The following ZNF385D variants were observed in gnomAD, a reference collection of about 807,000 sequenced individuals.
ZNF385D encodes zinc finger protein 659.
ZNF385D carries 15 observed loss-of-function variants against 35.8 expected under a neutral mutation model. That is an observed-to-expected ratio of 0.42 (90% CI 0.28 to 0.64). ZNF385D has a LOEUF of 0.64. Among genes scored for constraint, ZNF385D ranks in the 30% least tolerant of loss-of-function variants. ZNF385D has a pLI of 0.23. For missense variants in ZNF385D, 474 were observed against 494.6 expected (o/e 0.96, Z 0.39); for synonymous variants, 212 against 186.8 (o/e 1.13, Z -1.10).
intron 2 of ZNF385D, among the ~76,000 whole-genome samples, chr3:22,323,185 G>C (rs1005656483): frequency 7.2e-5 from 11 of 152,082 alleles, no homozygotes; most frequent in African/African-American, 2.7e-4. Context: ...AAAGATTTTT[G>C]AGTTAATATC....
chr3:21,864,120 G>C (rs112941816), intron 3 of ZNF385D, among the ~76,000 whole-genome samples: 1 of 152,170 alleles, frequency 6.6e-6, no homozygotes, highest in African/African-American at 2.4e-5. Flanking sequence ...TTGTTTTTGT[G>C]TGTACATGCA....
chr3:22,243,501 T>G (rs1217987938), intron 2 of ZNF385D, among the ~76,000 whole-genome samples: 1 of 151,000 alleles, frequency 6.6e-6, no homozygotes, highest in Non-Finnish European at 1.5e-5. Flanking sequence ...TACTAAAGAT[T>G]TCTGAGCAAG....
intron 3 of ZNF385D, among the ~76,000 whole-genome samples, chr3:22,103,486 T>C (rs1191886251): frequency 2.0e-5 from 3 of 152,142 alleles, no homozygotes; most frequent in Non-Finnish European, 4.4e-5. Flanking sequence ...TAAACTTGTG[T>C]TCTCAAGCTA....
intron 3 of ZNF385D, among the ~76,000 whole-genome samples, chr3:21,860,383 G>A (rs1475032418): frequency 2.0e-5 from 3 of 152,068 alleles, no homozygotes; most frequent in Admixed American, 2.0e-4. Flanking sequence ...GCAGTAGTTT[G>A]ACAACCCCCA....
chr3:21,883,092 GAAAAC>G (rs1698361534), intron 3 of ZNF385D, among the ~76,000 whole-genome samples: 1 of 151,850 alleles, frequency 6.6e-6, no homozygotes, highest in Non-Finnish European at 1.5e-5. Flanking sequence ...AGTGTACTAA[GAAAAC>G]AACACATATC....
chr3:22,288,192 T>C (rs1434038587), intron 2 of ZNF385D, among the ~76,000 whole-genome samples: 1 of 152,246 alleles, frequency 6.6e-6, no homozygotes, highest in East Asian at 1.9e-4. Context: ...ATTTTCTAAT[T>C]TTGATAATTT....
intron 2 of ZNF385D, among the ~76,000 whole-genome samples, chr3:22,306,337 A>G (rs1175785421): frequency 6.6e-6 from 1 of 151,834 alleles, no homozygotes; most frequent in East Asian, 1.9e-4. Flanking sequence ...GTGGTTAAAA[A>G]AAGTCTTTTT....
upstream of ZNF385D, chr3:21,751,288 TGCCTGCCTGGACCAACCATGGCTCTCGG>T: frequency 9.3e-7 from 1 of 1,076,410 alleles, no homozygotes; most frequent in Non-Finnish European, 1.1e-6. Flanking sequence ...GTGCTCCGAC[TGCCTGCCTGGACCAACCATGGCTCTCGG>T]GAAGCTTTGA....
chr3:21,834,206 T>C (rs563646450), intron 3 of ZNF385D, among the ~76,000 whole-genome samples: 66 of 152,114 alleles, frequency 4.3e-4, no homozygotes, highest in Non-Finnish European at 9.0e-4. Flanking sequence ...TCTCCTTCTT[T>C]TCTGAAGTAT....
intron 2 of ZNF385D, among the ~76,000 whole-genome samples, chr3:21,582,305 A>G (rs186329564): frequency 1.3e-5 from 2 of 152,366 alleles, no homozygotes; most frequent in East Asian, 1.9e-4. Context: ...TACACATTAA[A>G]TAAAACAAAA....
At chr3:22,003,724 AG>A (rs1696005398) in intron 3 of ZNF385D, among the ~76,000 whole-genome samples, 2 of 151,886 alleles carry the variant, frequency 1.3e-5, no homozygotes, top group Non-Finnish European at 1.5e-5. Flanking sequence ...AAAATTAGCC[AG>A]GTATGGTGGC....
intron 3 of ZNF385D, among the ~76,000 whole-genome samples, chr3:22,136,979 T>C (rs980796473): frequency 6.6e-6 from 1 of 152,168 alleles, no homozygotes; most frequent in South Asian, 2.1e-4. Flanking sequence ...AGTAAAACTA[T>C]TCTATATGAT....
intron 2 of ZNF385D, among the ~76,000 whole-genome samples, chr3:22,268,930 C>T (rs1234077096): frequency 2.0e-5 from 3 of 151,842 alleles, no homozygotes; most frequent in Non-Finnish European, 4.4e-5. Context: ...TCAGCTAATG[C>T]AGGTAATTCA....
At position 22,083,971 on chromosome 3, in the gene ZNF385D, C is replaced by T. The variant is rs560850744; in HGVS notation, c.325+84846G>A. 1.3e-3 allele frequency among the ~76,000 whole-genome samples: 197 copies of T among 152,252 alleles called. 1 individual carries two copies. Among genetic ancestry groups the T allele is most frequent in the Non-Finnish European group, 2.3e-3 (157 of 68,010 alleles). On this transcript the variant is annotated intron_variant, in intron 3 of 5. Coordinates refer to the ZNF385D transcript ENST00000494108. ...GAATTTTCAACCCATAATTTCATAT[C>T]CAGCCAAACTAAGCTTCATACGTGA...
intron 2 of ZNF385D, among the ~76,000 whole-genome samples, chr3:22,177,312 A>G (rs564242970): frequency 1.3e-4 from 20 of 152,316 alleles, no homozygotes; most frequent in Admixed American, 1.2e-3. Context: ...AGCTTACATA[A>G]AACTTAAGAA....
chr3:22,024,307 C>G (rs1287671373), intron 3 of ZNF385D, among the ~76,000 whole-genome samples: 1 of 151,906 alleles, frequency 6.6e-6, no homozygotes, highest in Non-Finnish European at 1.5e-5. Flanking sequence ...ATAAACTCCC[C>G]TATATATGTG....
intron 2 of ZNF385D, among the ~76,000 whole-genome samples, chr3:22,175,795 T>G (rs1455426774): frequency 6.6e-6 from 1 of 151,130 alleles, no homozygotes; most frequent in Non-Finnish European, 1.5e-5. Flanking sequence ...TTATGCATCA[T>G]ATTTGGAATA....
intron 3 of ZNF385D, among the ~76,000 whole-genome samples, chr3:21,948,066 A>G (rs761908232): frequency 1.3e-5 from 2 of 152,244 alleles, no homozygotes; most frequent in Non-Finnish European, 2.9e-5. Context: ...ACTTTCTGTT[A>G]TAATTTACTA....
At chr3:22,280,418 A>C (rs185551703) in intron 2 of ZNF385D, among the ~76,000 whole-genome samples, 26 of 150,670 alleles carry the variant, frequency 1.7e-4, no homozygotes, top group Admixed American at 1.5e-3. Flanking sequence ...TTCAGATCTT[A>C]AAGTCTGATC....
Sources: allele counts gnomAD v4.1 joint callset (sites outside exome capture counted in the v4.1 genomes callset), GRCh38; gene constraint gnomAD v4.1.1; transcripts MANE v1.5; gene names NCBI Gene and HGNC (gene_info 2026-07-23, HGNC 2026-07-21).